The following SAG variants were observed in gnomAD, a reference collection of about 807,000 sequenced individuals.
The protein encoded by SAG is S-arrestin.
In SAG, 45 loss-of-function variants were observed where a neutral mutation model predicts 55.0. The observed-to-expected ratio is 0.82, with a 90% CI of 0.64 to 1.05. SAG has a LOEUF of 1.05. SAG is among the 50% of genes least tolerant of loss of function. SAG has a pLI of 0.00. For synonymous variants in SAG, 189 were observed against 197.4 expected (o/e 0.96, Z 0.36); for missense variants, 455 against 512.1 (o/e 0.89, Z 1.08).
rs537115703 is a variant in SAG, at chr2:233,340,576, G to T, written c.1046+98G>T. The T allele has an allele frequency of 2.9e-5, 27 of 924,094 alleles. No individual in the cohort carries two copies. In the African/African-American group the frequency reaches 3.3e-4, roughly 11 times the overall value. 57.2% of individuals were successfully genotyped at this position (924,094 alleles called of 1,614,324 possible). ...GGTTTCTGATGAAAGCTGCTTTCTG[G>T]ACAGTTGTGCTCAGAGGTGTTAGGA... is the stretch of plus-strand genomic sequence containing the variant. On this transcript the variant is annotated intron_variant, in intron 13 of 15. Coordinates refer to ENST00000409110, the MANE Select transcript of SAG (RefSeq NM_000541.5). The surrounding 1 kb of genome is among the most constrained non-coding windows in gnomAD (Gnocchi z 4.2).
intron 2 of SAG, among the ~76,000 whole-genome samples, chr2:233,311,775 C>T (rs911151234): frequency 1.3e-5 from 2 of 152,168 alleles, no homozygotes; most frequent in African/African-American, 4.8e-5. Flanking sequence ...GGGCCTCAGT[C>T]ATTGGTCTGG....
intron 8 of SAG, 166 bp downstream of exon 8, chr2:233,328,779 C>A: frequency 1.4e-6 from 1 of 721,612 alleles, no homozygotes; most frequent in Non-Finnish European, 2.2e-6. Flanking sequence ...GTTTTCACAG[C>A]CTGGAGCTGG....
chr2:233,318,685 T>G, intron 3 of SAG, 66 bp from the exon 4 acceptor site: 1 of 1,362,988 alleles, frequency 7.3e-7, no homozygotes, highest in South Asian at 1.2e-5. Flanking sequence ...TGCGCAGTTT[T>G]TAAAGTAGGT....
At chr2:233,343,082 T>TC (rs1701152902) in intron 14 of SAG, 1 of 49,630 alleles carries the variant, frequency 2.0e-5, no homozygotes, top group Non-Finnish European at 3.4e-5. Flanking sequence ...TTTTTTGGGG[T>TC]TTTTTTTTTT....
At chr2:233,339,544 T>G (rs1297297662) in intron 12 of SAG, among the ~76,000 whole-genome samples, 4 of 151,854 alleles carry the variant, frequency 2.6e-5, no homozygotes, top group South Asian at 2.1e-4. Context: ...AGTGTTTTTT[T>G]TTTTTTTTTT....
chr2:233,329,708 A>C, intron 9 of SAG, 131 bp downstream of exon 9: 3 of 658,108 alleles, frequency 4.6e-6, no homozygotes, highest in Non-Finnish European at 8.2e-6. Flanking sequence ...CTCTGCTGTC[A>C]TAGGCAGCAG....
intron 2 of SAG, among the ~76,000 whole-genome samples, chr2:233,312,205 A>G (rs1036487301): frequency 6.6e-6 from 1 of 152,158 alleles, no homozygotes; most frequent in East Asian, 1.9e-4. Context: ...TATCCTTTCT[A>G]GTTCTTCTTC....
rs1347760442 is a variant in SAG at position 233,323,097 on chromosome 2, C to T, written c.435+92C>T. 6.1e-6 allele frequency: 5 copies of T among 822,882 alleles called. No individual in the cohort carries two copies. In the African/African-American group the frequency reaches 6.9e-5, roughly 11 times the overall value. 51.0% of individuals were successfully genotyped at this position (822,882 alleles called of 1,614,324 possible). A position where few individuals can be genotyped will look rare whatever the true frequency, so the allele number is the denominator to read the frequency against. ...TTTTTGAAACAGGGTTTTACTCTGT[C>T]ACCAATGCTGGGGTGCAGTGGCGTG... is the stretch of plus-strand genomic sequence containing the variant. On this transcript the variant is annotated intron_variant, in intron 6 of 15. Coordinates refer to ENST00000409110, the MANE Select transcript of SAG (RefSeq NM_000541.5).
chr2:233,335,748 A>G (rs375608396), intron 11 of SAG, among the ~76,000 whole-genome samples: 5 of 152,270 alleles, frequency 3.3e-5, no homozygotes, highest in Non-Finnish European at 5.9e-5. Context: ...AAGACTATAC[A>G]GTGAAGTTCC....
intron 3 of SAG, among the ~76,000 whole-genome samples, chr2:233,316,615 A>T (rs1301756129): frequency 6.6e-6 from 1 of 152,110 alleles, no homozygotes; most frequent in African/African-American, 2.4e-5. Flanking sequence ...CCGGCTGGAA[A>T]GAATTTTAAA....
rs762345353 is a variant in SAG at position 233,329,486 on chromosome 2, T to G, written c.649-7T>G. The G allele has an allele frequency of 6.2e-7, 1 of 1,600,360 alleles. No individual in the cohort carries two copies. Among genetic ancestry groups the G allele is most frequent in the Non-Finnish European group, 8.6e-7 (1 of 1,167,570 alleles). ...TCTTCTTCTGACCTATCTGCTGACT[T>G]TTCTAGATCTATTTCCATGGGGAGC... On this transcript the variant is annotated splice_polypyrimidine_tract_variant and splice_region_variant and intron_variant, in intron 8 of 15. Coordinates refer to ENST00000409110, the MANE Select transcript of SAG (RefSeq NM_000541.5).
intron 9 of SAG, among the ~76,000 whole-genome samples, chr2:233,330,425 C>G (rs894632373): frequency 6.6e-6 from 1 of 152,206 alleles, no homozygotes; most frequent in Middle Eastern, 3.4e-3. Flanking sequence ...AGATGAGGGT[C>G]AGAAATCCTG....
intron 6 of SAG, among the ~76,000 whole-genome samples, chr2:233,324,201 G>A (rs374666448): frequency 1.6e-4 from 24 of 152,192 alleles, no homozygotes; most frequent in African/African-American, 4.6e-4. Context: ...AGACTAGCCC[G>A]GGCAACGTGG....
chr2:233,344,669 G>GAT (rs1559456692), intron 14 of SAG: 1 of 152,156 alleles, frequency 6.6e-6, no homozygotes, highest in African/African-American at 2.4e-5. Context: ...ATATGAGATA[G>GAT]ATGAGATTTC....
intron 11 of SAG, among the ~76,000 whole-genome samples, chr2:233,336,278 G>A (rs78480205): frequency 6.6e-6 from 1 of 152,164 alleles, no homozygotes; most frequent in Non-Finnish European, 1.5e-5. Flanking sequence ...ACTTTAGGAG[G>A]CTGAGGCGGG....
intron 3 of SAG, 83 bp downstream of exon 3, chr2:233,316,218 C>G (rs1343628960): frequency 2.5e-6 from 2 of 790,238 alleles, no homozygotes; most frequent in Admixed American, 4.3e-5. Context: ...AAAAACTGGC[C>G]TTGCTAATAA....
chr2:233,342,719 C>A, intron 14 of SAG: 1 of 188,840 alleles, frequency 5.3e-6, no homozygotes. Flanking sequence ...CAAAAGGCCT[C>A]ATGTTTCATT....
At chr2:233,325,780 G>T (rs1700533457) in intron 6 of SAG, among the ~76,000 whole-genome samples, 5 of 152,222 alleles carry the variant, frequency 3.3e-5, no homozygotes, top group Admixed American at 3.3e-4. Flanking sequence ...TCAGGAAAGT[G>T]GGTGCGCCCT....
intron 11 of SAG, 41 bp from the exon 12 acceptor site, chr2:233,338,635 T>C (rs780870070): frequency 6.4e-7 from 1 of 1,570,120 alleles, no homozygotes; most frequent in Non-Finnish European, 8.8e-7. Context: ...TTCACCCTCC[T>C]CTGCTCTCCA....
Sources: allele counts gnomAD v4.1 joint callset (sites outside exome capture counted in the v4.1 genomes callset), GRCh38; gene constraint gnomAD v4.1.1; non-coding constraint Gnocchi (gnomAD v3.1); transcripts MANE v1.5; gene names NCBI Gene and HGNC (gene_info 2026-07-23, HGNC 2026-07-21).